Variants in LAMA3 observed in about 807,000 individuals in gnomAD.
LAMA3 encodes the protein laminin subunit alpha-3.
Under a neutral mutation model 402.0 loss-of-function variants are expected in LAMA3, and 281 were observed. The ratio of observed to expected loss-of-function variants is 0.70; its 90% CI spans 0.63 to 0.77. LAMA3 has a LOEUF of 0.77. Among genes scored for constraint, LAMA3 ranks in the 30% least tolerant of loss-of-function variants. LAMA3 has a pLI of 0.00. For synonymous variants in LAMA3, 1,431 were observed against 1,558.4 expected, an observed-to-expected ratio of 0.92 and a Z score of 1.93; for missense variants, 3,840 against 4,215.5, an observed-to-expected ratio of 0.91 and a Z score of 2.47.
intron 1 of LAMA3, chr18:23,710,286 A>G (rs756936109): frequency 1.6e-4 from 82 of 522,252 alleles, no homozygotes; most frequent in Non-Finnish European, 2.6e-4. Context: ...CTTCGGCGCC[A>G]TCTTGTGAAA....
At chr18:23,759,044 G>GT (rs140559805) in intron 7 of LAMA3, among the ~76,000 whole-genome samples, 3,558 of 148,128 alleles carry the variant, frequency 0.024, 74 homozygotes, top group African/African-American at 0.058. Flanking sequence ...TAAGAAAAGC[G>GT]TTTTTTTTTT....
intron 7 of LAMA3, 42 bp downstream of exon 7, chr18:23,758,553 C>A: frequency 7.8e-7 from 1 of 1,287,194 alleles, no homozygotes. Flanking sequence ...TGGCCTTCTC[C>A]CCCCTCTCCC....
intron 18 of LAMA3, among the ~76,000 whole-genome samples, chr18:23,817,286 T>C (rs542609884): frequency 5.6e-4 from 85 of 152,298 alleles, no homozygotes; most frequent in Non-Finnish European, 9.7e-4. Flanking sequence ...CATCCATGAT[T>C]TTTCCTCTGT....
At chr18:23,698,314 C>G (rs2060723984) in intron 1 of LAMA3, among the ~76,000 whole-genome samples, 1 of 149,320 alleles carries the variant, frequency 6.7e-6, no homozygotes, top group South Asian at 2.1e-4. Flanking sequence ...TCACGCCATT[C>G]TCCTGCCTCA....
intron 12 of LAMA3, among the ~76,000 whole-genome samples, chr18:23,798,882 A>G (rs965561496): frequency 2.0e-5 from 3 of 152,222 alleles, no homozygotes; most frequent in Admixed American, 6.5e-5. Flanking sequence ...CATCATCTAC[A>G]AGAATCTATA....
At chr18:23,892,247 A>G (rs1359170255) in intron 42 of LAMA3, among the ~76,000 whole-genome samples, 1 of 152,184 alleles carries the variant, frequency 6.6e-6, no homozygotes, top group Non-Finnish European at 1.5e-5. Context: ...TGCCTCTGCA[A>G]CCCTCATTTC....
chr18:23,839,700 C>T lies in LAMA3; in HGVS notation c.3192-85C>T, dbSNP rs567829866. ...CTTTTGATGCCCATGCAGTCCTATG[C>T]TCCAAGTCTGTCTCTTCACTGATGG... On this transcript the variant is annotated intron_variant, in intron 26 of 74. Transcript: ENST00000313654. The surrounding 1 kb of genome is among the most constrained non-coding windows in gnomAD (Gnocchi z 4.5). 1 of 1,449,014 alleles carries T rather than the reference C, an allele frequency of 6.9e-7. No individual in the cohort carries two copies. The highest frequency in any genetic ancestry group is 1.4e-5 in the African/African-American group (1 of 71,366). The allele number at this position is 1,449,014 out of a possible 1,614,324, so 89.8% of individuals were successfully genotyped here.
chr18:23,885,929 C>G (rs762510447), intron 41 of LAMA3, among the ~76,000 whole-genome samples: 2 of 151,568 alleles, frequency 1.3e-5, no homozygotes, highest in Non-Finnish European at 2.9e-5. Flanking sequence ...TGTGTGAACC[C>G]TTAAAAAAAA....
intron 36 of LAMA3, among the ~76,000 whole-genome samples, chr18:23,867,456 G>A (rs1480095304): frequency 1.3e-5 from 2 of 150,306 alleles, no homozygotes; most frequent in Non-Finnish European, 2.9e-5. Context: ...GGCTAAGGCA[G>A]GAGAATCGCT....
rs1454998189 is a variant in LAMA3 at position 23,881,942 on chromosome 18, C to A, written c.5119C>A (p.Gln1707Lys). 2 of 1,612,446 alleles carry A rather than the reference C, an allele frequency of 1.2e-6. No individual in the cohort carries two copies. The highest frequency in any genetic ancestry group is 1.7e-6 in the Non-Finnish European group (2 of 1,178,698). The change falls in exon 40 of 75, where the codon CAG (glutamine) becomes AAG (lysine). Residue 1707 changes from glutamine (Q) to lysine (K), a missense_variant. Physicochemically the swap from Gln to Lys is moderately conservative, Grantham distance 53. Coordinates refer to ENST00000313654, the MANE Select transcript of LAMA3 (RefSeq NM_198129.4). ...QDGSGICVNC[Q>K]HNTAGEHCER... ...GCTGTTCACCTGTCCCCAGAACTGT[C>A]AGCACAACACCGCGGGAGAGCACTG...
intron 1 of LAMA3, among the ~76,000 whole-genome samples, chr18:23,696,863 T>A (rs1198237005): frequency 6.6e-6 from 1 of 152,192 alleles, no homozygotes; most frequent in African/African-American, 2.4e-5. Context: ...TTTCAACCTT[T>A]CCTATACTTG....
intron 1 of LAMA3, among the ~76,000 whole-genome samples, chr18:23,708,274 C>T (rs755542849): frequency 6.6e-6 from 1 of 152,150 alleles, no homozygotes; most frequent in Non-Finnish European, 1.5e-5. Flanking sequence ...ACAATAGCTT[C>T]ATAATAAGCC....
intron 66 of LAMA3, among the ~76,000 whole-genome samples, chr18:23,933,440 A>G (rs2082224592): frequency 6.6e-6 from 1 of 152,210 alleles, no homozygotes; most frequent in Non-Finnish European, 1.5e-5. Flanking sequence ...TATGGGTTAC[A>G]TGTGATATTT....
Position 23,845,066 on chromosome 18 carries a change from T to G in LAMA3, c.3661T>G (p.Ser1221Ala). ...TGACTACCAAATACTTCACAAAAAA[T>G]CCATGGACAAGTCACTCGAGTTTAT... Reference protein sequence around the residue: ...NYDYQILHKKSMDKSLEFITN... With the variant: ...NYDYQILHKKAMDKSLEFITN... Residue 1221 changes from serine (S) to alanine (A), a missense_variant, in exon 30 of 75, where the codon TCC becomes GCC. Ser to Ala is a moderately conservative substitution (Grantham distance 99, BLOSUM62 1). Coordinates refer to ENST00000313654, the MANE Select transcript of LAMA3 (RefSeq NM_198129.4). 2 of 1,613,598 alleles carry G rather than the reference T, an allele frequency of 1.2e-6. No homozygotes were observed. The highest frequency in any genetic ancestry group is 2.2e-5 in the South Asian group (2 of 91,062).
At chr18:23,810,768 C>T (rs1038685127) in intron 13 of LAMA3, among the ~76,000 whole-genome samples, 3 of 152,062 alleles carry the variant, frequency 2.0e-5, no homozygotes, top group Admixed American at 6.5e-5. Flanking sequence ...ATGTGGGTTT[C>T]TTGGTTCACA....
At chr18:23,697,556 C>T (rs973966551) in intron 1 of LAMA3, among the ~76,000 whole-genome samples, 1 of 152,128 alleles carries the variant, frequency 6.6e-6, no homozygotes, top group African/African-American at 2.4e-5. Context: ...ATCCAAAAAT[C>T]CAAAATCCCA....
intron 8 of LAMA3, among the ~76,000 whole-genome samples, chr18:23,763,863 T>A (rs2062024243): frequency 6.6e-6 from 1 of 152,180 alleles, no homozygotes; most frequent in South Asian, 2.1e-4. Flanking sequence ...TTAATGTTAG[T>A]GCTGACCCTA....
chr18:23,721,629 C>G (rs1425395155), intron 2 of LAMA3, among the ~76,000 whole-genome samples: 1 of 152,126 alleles, frequency 6.6e-6, no homozygotes, highest in African/African-American at 2.4e-5. Flanking sequence ...CTTCCATATC[C>G]CTCCACTTCC....
rs142097786 is a variant in LAMA3 at position 23,876,307 on chromosome 18, G to T, written c.5012G>T (p.Gly1671Val). ...AGDSCQGCSPGYYRDHKGLYT... is the reference protein window; with the variant it reads ...AGDSCQGCSPVYYRDHKGLYT... ...TTTGAAAAATAGGGTTGTAGCCCTG[G>T]ATACTATCGGGATCATAAAGGCTTG... The change falls in exon 39 of 75, where the codon GGA (glycine) becomes GTA (valine). Residue 1671 changes from glycine (G) to valine (V), a missense_variant. Physicochemically the swap from Gly to Val is moderately radical, Grantham distance 109. This residue lies in a region of LAMA3 where 2,109 missense variants were observed against 2,376.0 expected (regional missense o/e 0.89). Transcript: ENST00000313654. The T allele has an allele frequency of 5.8e-4, 936 of 1,612,586 alleles. 8 individuals carry two copies. The African/African-American group carries it at 0.011, about 20-fold the overall frequency.
Sources: gnomAD v4.1 joint callset for allele counts (sites outside exome capture counted in the v4.1 genomes callset) on GRCh38, gnomAD v4.1.1 for gene constraint, gnomAD v4.1.1 regional missense constraint, Gnocchi (gnomAD v3.1) non-coding constraint, MANE v1.5 for transcripts, NCBI Gene and HGNC (gene_info 2026-07-23, HGNC 2026-07-21) for gene names.